Variants in FMNL2 observed in about 807,000 individuals in gnomAD.
The protein encoded by FMNL2 is formin like 2, also known as formin-like protein 2.
In FMNL2, 51 loss-of-function variants were observed where a neutral mutation model predicts 130.2. The observed-to-expected ratio is 0.39, with a 90% CI of 0.31 to 0.49. The LOEUF (loss-of-function observed/expected upper bound fraction) is 0.49. Among genes scored for constraint, FMNL2 ranks in the 20% least tolerant of loss-of-function variants. The pLI is 0.85. For synonymous variants in FMNL2, 465 were observed against 467.1 expected, an observed-to-expected ratio of 1.00 and a Z score of 0.06; for missense variants, 977 against 1,316.2, an observed-to-expected ratio of 0.74 and a Z score of 3.99.
chr2:152,635,607 T>TTACTTTTGCACC (rs1395876316), intron 21 of FMNL2, among the ~76,000 whole-genome samples: 1 of 152,248 alleles, frequency 6.6e-6, no homozygotes, highest in East Asian at 1.9e-4. Context: ...AATACTGCAG[T>TTACTTTTGCACC]TACTTTTGCA....
intron 1 of FMNL2, among the ~76,000 whole-genome samples, chr2:152,517,254 A>T (rs1692825220): frequency 6.6e-6 from 1 of 152,216 alleles, no homozygotes; most frequent in Admixed American, 6.5e-5. Flanking sequence ...AATACTGTTC[A>T]GTGTGTAGAC....
chr2:152,356,084 A>G (rs1310572603), intron 1 of FMNL2, among the ~76,000 whole-genome samples: 2 of 152,124 alleles, frequency 1.3e-5, no homozygotes, highest in African/African-American at 4.8e-5. Context: ...ATCTTTATAC[A>G]TTTGATTTGA....
chr2:152,394,303 T>G (rs1289874518), intron 1 of FMNL2, among the ~76,000 whole-genome samples: 1 of 152,192 alleles, frequency 6.6e-6, no homozygotes, highest in Non-Finnish European at 1.5e-5. Flanking sequence ...TAGTTGTGTA[T>G]AGTGTGATTT....
At chr2:152,460,005 A>G (rs1689156435) in intron 1 of FMNL2, among the ~76,000 whole-genome samples, 1 of 152,218 alleles carries the variant, frequency 6.6e-6, no homozygotes, top group African/African-American at 2.4e-5. Context: ...AAGAAGAGCT[A>G]TTTTAAGATA....
chr2:152,435,928 C>G (rs981735160), intron 1 of FMNL2, among the ~76,000 whole-genome samples: 10 of 152,174 alleles, frequency 6.6e-5, no homozygotes, highest in Non-Finnish European at 1.3e-4. Context: ...TACCTTGACC[C>G]AGCCTGGACT....
At position 152,482,827 on chromosome 2, in the gene FMNL2, G is replaced by T. The variant is rs187692749; in HGVS notation, c.118-39116G>T. On this transcript the variant is annotated intron_variant, in intron 1 of 25. Coordinates refer to ENST00000288670, the MANE Select transcript of FMNL2 (RefSeq NM_052905.4). ...GTGTAACTGCCTGATACTGTCCCCG[G>T]TATTACTCTTTGACATAATTATAAA... Among the ~76,000 whole-genome samples, 18 of 152,182 alleles carry T rather than the reference G, an allele frequency of 1.2e-4. 1 individual carries two copies. The highest frequency in any genetic ancestry group is 1.2e-3 in the Admixed American group (18 of 15,280).
intron 6 of FMNL2, among the ~76,000 whole-genome samples, chr2:152,574,434 C>T (rs1274590828): frequency 2.2e-4 from 23 of 106,744 alleles, no homozygotes; most frequent in African/African-American, 1.9e-4. Context: ...GACTCTGTCT[C>T]AAAAAAAAAA....
At chr2:152,417,330 C>G (rs1341978779) in intron 1 of FMNL2, among the ~76,000 whole-genome samples, 1 of 152,136 alleles carries the variant, frequency 6.6e-6, no homozygotes, top group African/African-American at 2.4e-5. Flanking sequence ...CTTCACGGTT[C>G]TGGTTTAAGC....
chr2:152,380,332 G>A (rs975710035), intron 1 of FMNL2, among the ~76,000 whole-genome samples: 2 of 152,212 alleles, frequency 1.3e-5, no homozygotes, highest in Non-Finnish European at 2.9e-5. Flanking sequence ...TTGTGGTGAC[G>A]TAGCAACTGA....
At chr2:152,347,023 G>A (rs938247035) in intron 1 of FMNL2, among the ~76,000 whole-genome samples, 12 of 151,996 alleles carry the variant, frequency 7.9e-5, no homozygotes, top group African/African-American at 1.7e-4. Flanking sequence ...CCTGGGAAGC[G>A]GAGGTTGCAG....
chr2:152,595,303 ATGATTGAT>A (rs1697701860), intron 9 of FMNL2, among the ~76,000 whole-genome samples: 1 of 152,122 alleles, frequency 6.6e-6, no homozygotes, highest in South Asian at 2.1e-4. Context: ...GTATTTGTTC[ATGATTGAT>A]TGATTGATTT....
chr2:152,424,783 G>A (rs1687111932), intron 1 of FMNL2, among the ~76,000 whole-genome samples: 2 of 152,148 alleles, frequency 1.3e-5, no homozygotes, highest in South Asian at 4.1e-4. Flanking sequence ...CTTATCAAAG[G>A]TCACAAGAAG....
At chr2:152,396,369 C>CA (rs1685393723) in intron 1 of FMNL2, among the ~76,000 whole-genome samples, 1 of 152,194 alleles carries the variant, frequency 6.6e-6, no homozygotes, top group Non-Finnish European at 1.5e-5. Context: ...ATTTAGAGAA[C>CA]TGATTCGTAA....
intron 1 of FMNL2, among the ~76,000 whole-genome samples, chr2:152,392,154 G>T (rs1430773396): frequency 6.6e-6 from 1 of 152,084 alleles, no homozygotes; most frequent in Non-Finnish European, 1.5e-5. Flanking sequence ...AAACATTGTG[G>T]AAGGTAGTTT....
intron 1 of FMNL2, among the ~76,000 whole-genome samples, chr2:152,476,756 A>G (rs1690172112): frequency 6.6e-6 from 1 of 152,092 alleles, no homozygotes; most frequent in East Asian, 1.9e-4. Flanking sequence ...AACCCCCCAT[A>G]GTGGGCGGAA....
chr2:152,509,958 A>C (rs1394874704), intron 1 of FMNL2, among the ~76,000 whole-genome samples: 1 of 151,954 alleles, frequency 6.6e-6, no homozygotes, highest in Non-Finnish European at 1.5e-5. Flanking sequence ...TATGTTGCCC[A>C]GGCTGGTCTC....
intron 1 of FMNL2, among the ~76,000 whole-genome samples, chr2:152,406,837 A>C (rs6718337): frequency 0.038 from 5,787 of 152,242 alleles, 186 homozygotes; most frequent in African/African-American, 0.087. Flanking sequence ...TTCTCACATT[A>C]CTTCCTGGTG....
chr2:152,592,790 A>G (rs1224177652), intron 9 of FMNL2, among the ~76,000 whole-genome samples: 2 of 152,212 alleles, frequency 1.3e-5, no homozygotes, highest in African/African-American at 4.8e-5. Flanking sequence ...ACACAGATCC[A>G]TTTAACTCAG....
chr2:152,571,806 C>A (rs1696182368), intron 6 of FMNL2, among the ~76,000 whole-genome samples: 1 of 152,184 alleles, frequency 6.6e-6, no homozygotes, highest in African/African-American at 2.4e-5. Context: ...GATGATTATA[C>A]AACAGCATCA....
Sources: allele counts gnomAD v4.1 joint callset (sites outside exome capture counted in the v4.1 genomes callset), GRCh38; gene constraint gnomAD v4.1.1; transcripts MANE v1.5; gene names NCBI Gene and HGNC (gene_info 2026-07-23, HGNC 2026-07-21).